The following HACD3 variants were observed in gnomAD, a reference collection of about 807,000 sequenced individuals.
The protein encoded by HACD3 is very-long-chain (3R)-3-hydroxyacyl-CoA dehydratase 3.
HACD3 carries 30 observed loss-of-function variants against 55.2 expected under a neutral mutation model. The observed-to-expected ratio is 0.54, with a 90% CI of 0.41 to 0.74. The LOEUF is 0.74. Ranked by LOEUF, HACD3 falls within the 30% of genes least tolerant of loss-of-function variation. HACD3 has a pLI of 0.00. For synonymous variants in HACD3, 141 were observed against 151.7 expected, an observed-to-expected ratio of 0.93 and a Z score of 0.52; for missense variants, 363 against 440.1, an observed-to-expected ratio of 0.82 and a Z score of 1.57.
chr15:65,558,763 GT>G, intron 5 of HACD3, 32 bp downstream of exon 5: 1 of 1,578,862 alleles, frequency 6.3e-7, no homozygotes, highest in South Asian at 1.2e-5. Flanking sequence ...GTAGTTACCA[GT>G]TAACTTGTGC....
Position 65,571,535 on chromosome 15 carries a change from T to A in HACD3, c.774-13T>A, listed in dbSNP as rs2072347758. 3.1e-6 allele frequency: 5 copies of A among 1,600,338 alleles called. No homozygotes were observed. The highest frequency in any genetic ancestry group is 4.3e-6 in the Non-Finnish European group (5 of 1,168,246). On this transcript the variant is annotated splice_polypyrimidine_tract_variant and intron_variant, in intron 8 of 10. Transcript: ENST00000261875. ...AAGTGGCTTTTCACATTGGAATCAT[T>A]TATTTTCAATAGGTACTCTTTCTAC...
intron 1 of HACD3, among the ~76,000 whole-genome samples, chr15:65,543,461 A>G (rs1761596431): frequency 6.6e-6 from 1 of 152,162 alleles, no homozygotes; most frequent in Admixed American, 6.5e-5. Context: ...TTTTTGGGAT[A>G]AAACAAATAT....
At chr15:65,537,461 C>T (rs2071965414) in intron 1 of HACD3, among the ~76,000 whole-genome samples, 2 of 151,816 alleles carry the variant, frequency 1.3e-5, no homozygotes, top group South Asian at 4.2e-4. Context: ...AGCCAGTGCC[C>T]CTTTACCATT....
At chr15:65,537,556 C>T (rs1386563977) in intron 1 of HACD3, among the ~76,000 whole-genome samples, 2 of 151,050 alleles carry the variant, frequency 1.3e-5, no homozygotes, top group Non-Finnish European at 3.0e-5. Flanking sequence ...TTTGGGAGGC[C>T]GAGGCAGGTG....
intron 1 of HACD3, among the ~76,000 whole-genome samples, chr15:65,542,273 T>C (rs2072028726): frequency 6.6e-6 from 1 of 150,556 alleles, no homozygotes; most frequent in African/African-American, 2.4e-5. Context: ...CTGTTTTGTA[T>C]GTTTGTTTGA....
chr15:65,577,437 C>CCACACACACACAAACACACATA lies in HACD3; in HGVS notation c.*1071_*1092dup. ...AGACCCTGTCTCAAACCAAACCAAACCACACACACACAAACACACATACAC... is the reference window on the plus strand; with the variant it reads ...AGACCCTGTCTCAAACCAAACCAAACCACACACACACAAACACACATACACACACACACAAACACACATACAC... On this transcript the variant is annotated 3_prime_UTR_variant, in exon 11 of 11. Coordinates refer to ENST00000261875, the MANE Select transcript of HACD3 (RefSeq NM_016395.4). 6.6e-6 allele frequency: 1 copy of CCACACACACACAAACACACATA among 151,294 alleles called. No individual in the cohort carries two copies. The highest frequency in any genetic ancestry group is 3.4e-3 in the Middle Eastern group (1 of 298). 9.4% of individuals were successfully genotyped at this position (151,294 alleles called of 1,614,324 possible).
chr15:65,569,560 A>T (rs1178153297), intron 7 of HACD3, among the ~76,000 whole-genome samples: 1 of 152,082 alleles, frequency 6.6e-6, no homozygotes, highest in East Asian at 1.9e-4. Flanking sequence ...AAATAAAATT[A>T]GCCAGTGTGG....
At chr15:65,559,593 A>G (rs565804755) in intron 5 of HACD3, among the ~76,000 whole-genome samples, 107 of 151,798 alleles carry the variant, frequency 7.0e-4, no homozygotes, top group African/African-American at 2.5e-3. Context: ...GGAGGAGTAG[A>G]TCACACAAAC....
chr15:65,562,663 A>G lies in HACD3; in HGVS notation c.422-111A>G, dbSNP rs182480527. ...GGACCAGGTATTTGTGTGGGAGCTT[A>G]GGAGCATTCAGGAAGGAAAAAGGGT... On this transcript the variant is annotated intron_variant, in intron 5 of 10. Transcript: ENST00000261875. 2.2e-4 allele frequency: 310 copies of G among 1,415,156 alleles called. No individual in the cohort carries two copies. In the Admixed American group the frequency reaches 2.6e-3, roughly 12 times the overall value. The allele number at this position is 1,415,156 out of a possible 1,614,324, so 87.7% of individuals were successfully genotyped here. A position where few individuals can be genotyped will look rare whatever the true frequency, so the allele number is the denominator to read the frequency against.
intron 1 of HACD3, among the ~76,000 whole-genome samples, chr15:65,542,572 G>A (rs2072031590): frequency 6.6e-6 from 1 of 152,058 alleles, no homozygotes; most frequent in Admixed American, 6.6e-5. Flanking sequence ...ATGAAAATAA[G>A]AATATCTAAA....
rs1336817750 is a variant in HACD3, at chr15:65,572,373, A to G, written c.1012+7A>G. 1.3e-6 allele frequency: 2 copies of G among 1,583,594 alleles called. No individual in the cohort carries two copies. Among genetic ancestry groups the G allele is most frequent in the African/African-American group, 2.7e-5 (2 of 73,542 alleles). ...CTTATAATGATATTTTTAGGTAAGTATTGATTCTTTAATACAGACTTTTTC... is the reference window on the plus strand; with the variant it reads ...CTTATAATGATATTTTTAGGTAAGTGTTGATTCTTTAATACAGACTTTTTC... On this transcript the variant is annotated splice_region_variant and intron_variant, in intron 10 of 10. Coordinates refer to ENST00000261875, the MANE Select transcript of HACD3 (RefSeq NM_016395.4).
At chr15:65,573,511 G>C (rs901636921) in intron 10 of HACD3, among the ~76,000 whole-genome samples, 3 of 152,040 alleles carry the variant, frequency 2.0e-5, no homozygotes, top group African/African-American at 7.2e-5. Flanking sequence ...GGGAGGCTGA[G>C]GCAGGAGAAT....
At chr15:65,538,877 A>G (rs534660942) in intron 1 of HACD3, among the ~76,000 whole-genome samples, 5 of 152,234 alleles carry the variant, frequency 3.3e-5, no homozygotes, top group African/African-American at 9.6e-5. Flanking sequence ...AAAGATTACA[A>G]CTCCCTGAAA....
chr15:65,532,225 C>A (rs773047533), intron 1 of HACD3, among the ~76,000 whole-genome samples: 10 of 152,108 alleles, frequency 6.6e-5, no homozygotes, highest in Non-Finnish European at 1.2e-4. Flanking sequence ...CTGTCTCCCT[C>A]TACTGCTCCA....
intron 7 of HACD3, among the ~76,000 whole-genome samples, chr15:65,569,032 G>A (rs933923808): frequency 6.6e-6 from 1 of 151,956 alleles, no homozygotes; most frequent in African/African-American, 2.4e-5. Flanking sequence ...TGGATCACAA[G>A]GTCAGGAGAT....
intron 1 of HACD3, among the ~76,000 whole-genome samples, chr15:65,538,266 C>T (rs563533935): frequency 1.3e-5 from 2 of 152,188 alleles, no homozygotes; most frequent in East Asian, 3.9e-4. Flanking sequence ...ATTCACCATT[C>T]TAGATACCAT....
At chr15:65,548,758 G>A (rs1033447422) in intron 1 of HACD3, among the ~76,000 whole-genome samples, 6 of 151,954 alleles carry the variant, frequency 3.9e-5, no homozygotes, top group African/African-American at 1.5e-4. Context: ...TTTTTGTAGA[G>A]ACGGTCTATG....
Position 65,556,818 on chromosome 15 carries a change from A to G in HACD3, c.284A>G (p.Lys95Arg). ...KVSQWWERLTKQEKRPLFLAP... is the reference protein window; with the variant it reads ...KVSQWWERLTRQEKRPLFLAP... The stretch of plus-strand genomic sequence containing the variant: ...AGTCAGTGGTGGGAGAGACTCACAA[A>G]GCAGGAAAAGCGACCACTGTTTTTG... Residue 95 changes from lysine (K) to arginine (R), a missense_variant, in exon 4 of 11, where the codon AAG becomes AGG. Lys to Arg is a conservative substitution (Grantham distance 26). Transcript: ENST00000261875. 1 of 1,612,622 alleles carries G rather than the reference A, an allele frequency of 6.2e-7. No homozygotes were observed.
intron 1 of HACD3, among the ~76,000 whole-genome samples, chr15:65,533,858 T>C (rs1336311835): frequency 6.6e-6 from 1 of 151,738 alleles, no homozygotes; most frequent in Non-Finnish European, 1.5e-5. Flanking sequence ...GAGACCATCC[T>C]GGCTAACACG....
Sources: gnomAD v4.1 joint callset for allele counts (sites outside exome capture counted in the v4.1 genomes callset) on GRCh38, gnomAD v4.1.1 for gene constraint, MANE v1.5 for transcripts, NCBI Gene and HGNC (gene_info 2026-07-23, HGNC 2026-07-21) for gene names.